VEGFC: variants seen among roughly 807,000 people sequenced by gnomAD.
VEGFC encodes the protein FLT4 ligand DHM.
In VEGFC, 12 loss-of-function variants were observed where a neutral mutation model predicts 46.1. The ratio of observed to expected loss-of-function variants is 0.26; its 90% CI spans 0.17 to 0.42. The LOEUF is 0.42. Ranked by LOEUF, VEGFC falls within the 10% of genes least tolerant of loss-of-function variation. The pLI is 1.00. For missense variants in VEGFC, 488 were observed against 529.4 expected, an observed-to-expected ratio of 0.92 and a Z score of 0.77; for synonymous variants, 232 against 195.5, an observed-to-expected ratio of 1.19 and a Z score of -1.56.
chr4:176,767,638 G>A (rs1735650083), intron 1 of VEGFC, among the ~76,000 whole-genome samples: 1 of 152,192 alleles, frequency 6.6e-6, no homozygotes, highest in Non-Finnish European at 1.5e-5. Flanking sequence ...TCTATAAAAT[G>A]AACCAGTCGT....
chr4:176,725,723 T>C (rs1734863797), intron 3 of VEGFC, among the ~76,000 whole-genome samples: 1 of 152,148 alleles, frequency 6.6e-6, no homozygotes, highest in African/African-American at 2.4e-5. Flanking sequence ...AATTGTATAT[T>C]TCAATTCCTA....
chr4:176,693,645 C>T (rs975492456), intron 4 of VEGFC, among the ~76,000 whole-genome samples: 102 of 146,642 alleles, frequency 7.0e-4, no homozygotes, highest in African/African-American at 2.6e-3. Context: ...AGATACTCCT[C>T]GAGAAGAGCA....
chr4:176,728,943 C>T (rs568634203), intron 2 of VEGFC, among the ~76,000 whole-genome samples: 1 of 152,202 alleles, frequency 6.6e-6, no homozygotes, highest in African/African-American at 2.4e-5. Flanking sequence ...TCAAGCAATC[C>T]TCCCACTTTG....
chr4:176,687,745 G>GTGGTTTTAATATTAGAGTATGTT, intron 5 of VEGFC, 76 bp downstream of exon 5: 1 of 1,108,274 alleles, frequency 9.0e-7, no homozygotes, highest in Non-Finnish European at 1.3e-6. Context: ...TATTATATGT[G>GTGGTTTTAATATTAGAGTATGTT]TGGTTTTAAT....
At chr4:176,698,948 A>G (rs996434441) in intron 4 of VEGFC, among the ~76,000 whole-genome samples, 11 of 152,300 alleles carry the variant, frequency 7.2e-5, no homozygotes, top group Non-Finnish European at 1.5e-4. Flanking sequence ...TAAACTACTT[A>G]TTGATTTACT....
At chr4:176,750,061 A>G (rs769678749) in intron 1 of VEGFC, among the ~76,000 whole-genome samples, 2 of 151,856 alleles carry the variant, frequency 1.3e-5, no homozygotes, top group African/African-American at 2.4e-5. Flanking sequence ...TGAAAGAACT[A>G]GAGATTTTTT....
At chr4:176,705,097 A>C (rs572899638) in intron 4 of VEGFC, among the ~76,000 whole-genome samples, 1 of 152,332 alleles carries the variant, frequency 6.6e-6, no homozygotes, top group African/African-American at 2.4e-5. Context: ...ACTCTAGTAC[A>C]TGAGTTATTT....
At chr4:176,690,484 T>C (rs746709946) in intron 4 of VEGFC, among the ~76,000 whole-genome samples, 5 of 152,176 alleles carry the variant, frequency 3.3e-5, no homozygotes, top group African/African-American at 9.7e-5. Context: ...TTGGAGAACA[T>C]TGTACCTTCC....
At chr4:176,757,306 G>C (rs1009713284) in intron 1 of VEGFC, among the ~76,000 whole-genome samples, 2 of 151,880 alleles carry the variant, frequency 1.3e-5, no homozygotes, top group Admixed American at 1.3e-4. Flanking sequence ...CAATTGAATG[G>C]AATAAGCAAT....
intron 1 of VEGFC, among the ~76,000 whole-genome samples, chr4:176,734,597 T>G (rs1381525479): frequency 6.6e-6 from 1 of 151,798 alleles, no homozygotes; most frequent in Non-Finnish European, 1.5e-5. Context: ...ATGTCAAATG[T>G]GAAGTCATTA....
At chr4:176,687,688 G>T in intron 5 of VEGFC, 133 bp downstream of exon 5, 1 of 941,720 alleles carries the variant, frequency 1.1e-6, no homozygotes, top group Non-Finnish European at 1.6e-6. Flanking sequence ...CCAACGTGAA[G>T]TAGAAAATGT....
At chr4:176,790,521 T>A (rs997448266) in intron 1 of VEGFC, among the ~76,000 whole-genome samples, 3 of 79,482 alleles carry the variant, frequency 3.8e-5, no homozygotes, top group Non-Finnish European at 1.0e-4. Flanking sequence ...TACCTATACA[T>A]AACACACGTA....
chr4:176,763,798 G>A (rs1299527097), intron 1 of VEGFC, among the ~76,000 whole-genome samples: 1 of 152,048 alleles, frequency 6.6e-6, no homozygotes, highest in East Asian at 1.9e-4. Flanking sequence ...ATTGTAATCA[G>A]TACTTTAGGT....
chr4:176,721,557 C>T (rs548959310), intron 3 of VEGFC, among the ~76,000 whole-genome samples: 73 of 152,178 alleles, frequency 4.8e-4, no homozygotes, highest in African/African-American at 4.8e-4. Context: ...TAGATCAGAG[C>T]GGGATTAGCA....
At chr4:176,694,094 A>T (rs1467364856) in intron 4 of VEGFC, among the ~76,000 whole-genome samples, 1 of 151,728 alleles carries the variant, frequency 6.6e-6, no homozygotes, top group African/African-American at 2.4e-5. Flanking sequence ...TAACCAGCTA[A>T]CATCATAATG....
intron 1 of VEGFC, among the ~76,000 whole-genome samples, chr4:176,765,386 A>G (rs949499643): frequency 3.3e-5 from 5 of 152,040 alleles, no homozygotes. Context: ...GACTATAAAG[A>G]AAAAGGCATA....
At chr4:176,766,487 T>C (rs1307322537) in intron 1 of VEGFC, among the ~76,000 whole-genome samples, 2 of 150,820 alleles carry the variant, frequency 1.3e-5, no homozygotes, top group Non-Finnish European at 2.9e-5. Flanking sequence ...CTCAGGAGAC[T>C]GAGGTGGGAG....
intron 4 of VEGFC, 98 bp from the exon 5 acceptor site, chr4:176,688,025 G>T: frequency 1.7e-6 from 1 of 590,628 alleles, no homozygotes; most frequent in Non-Finnish European, 2.9e-6. Context: ...TCATAGAAAA[G>T]CTTTAAAAAT....
At chr4:176,760,509 A>C (rs1189019532) in intron 1 of VEGFC, among the ~76,000 whole-genome samples, 6 of 152,184 alleles carry the variant, frequency 3.9e-5, no homozygotes, top group African/African-American at 7.2e-5. Context: ...TATTCTTAAT[A>C]AATATTTATC....
Sources: gnomAD v4.1 joint callset for allele counts (sites outside exome capture counted in the v4.1 genomes callset) on GRCh38, gnomAD v4.1.1 for gene constraint, MANE v1.5 for transcripts, NCBI Gene and HGNC (gene_info 2026-07-23, HGNC 2026-07-21) for gene names.